The following SPTBN1 variants were observed in gnomAD, a reference collection of about 807,000 sequenced individuals.
SPTBN1 encodes the protein spectrin beta chain, non-erythrocytic 1.
Under a neutral mutation model 266.4 loss-of-function variants are expected in SPTBN1, and 32 were observed. That is an observed-to-expected ratio of 0.12 (90% CI 0.09 to 0.16). SPTBN1 has a LOEUF of 0.16. SPTBN1 is among the 10% of genes least tolerant of loss of function. The pLI, the probability that SPTBN1 is intolerant of heterozygous loss-of-function variation, is 1.00. For synonymous variants in SPTBN1, 1,336 were observed against 1,162.2 expected, an observed-to-expected ratio of 1.15 and a Z score of -3.04; for missense variants, 2,296 against 3,067.1, an observed-to-expected ratio of 0.75 and a Z score of 5.94.
intron 15 of SPTBN1, among the ~76,000 whole-genome samples, chr2:54,630,360 C>G (rs1009378750): frequency 6.6e-6 from 1 of 152,192 alleles, no homozygotes; most frequent in African/African-American, 2.4e-5. Flanking sequence ...ACTTCAGGAA[C>G]AGGACTCTAG....
intron 2 of SPTBN1, among the ~76,000 whole-genome samples, chr2:54,532,134 A>G (rs904875403): frequency 6.6e-6 from 1 of 152,066 alleles, no homozygotes; most frequent in Non-Finnish European, 1.5e-5. Context: ...CTAAAAATAC[A>G]AAAAATTAGC....
intron 1 of SPTBN1, among the ~76,000 whole-genome samples, chr2:54,465,200 G>A (rs1693564944): frequency 6.6e-6 from 1 of 152,168 alleles, no homozygotes; most frequent in Admixed American, 6.5e-5. Context: ...GTATAGGTGT[G>A]AGATAAATTA....
intron 1 of SPTBN1, among the ~76,000 whole-genome samples, chr2:54,468,442 T>C (rs1693752512): frequency 6.6e-6 from 1 of 152,132 alleles, no homozygotes; most frequent in Admixed American, 6.5e-5. Context: ...CACATACATA[T>C]TAAGGGCCAA....
At chr2:54,623,293 C>G (rs1678112074) in intron 9 of SPTBN1, among the ~76,000 whole-genome samples, 186 bp from the exon 10 acceptor site, 1 of 152,168 alleles carries the variant, frequency 6.6e-6, no homozygotes, top group African/African-American at 2.4e-5. Flanking sequence ...TAAATGTCAG[C>G]AACAACAAAG....
At chr2:54,481,885 C>T (rs79100701) in intron 1 of SPTBN1, among the ~76,000 whole-genome samples, 4,601 of 152,200 alleles carry the variant, frequency 0.03, 235 homozygotes, top group African/African-American at 0.1. Context: ...TGATACTAGC[C>T]AGGCTTTATA....
chr2:54,600,268 G>T (rs928342191), intron 3 of SPTBN1, among the ~76,000 whole-genome samples: 1 of 152,156 alleles, frequency 6.6e-6, no homozygotes, highest in African/African-American at 2.4e-5. Flanking sequence ...TTGAAATGGA[G>T]CCAGAAAAGT....
rs536623978 is a variant in SPTBN1, at chr2:54,662,041, A to G, written c.6420+2042A>G. 11 of 985,440 alleles carry G rather than the reference A, an allele frequency of 1.1e-5. No homozygotes were observed. In the South Asian group the frequency reaches 1.9e-4, roughly 17 times the overall value. 61.0% of individuals were successfully genotyped at this position (985,440 alleles called of 1,614,324 possible). Reference sequence around the variant, plus strand: ...ATTGCTTCGTGCACTTTGAATACCAATCAGGTGTTTTCTGTGCTACTAGTT... The same window carrying G: ...ATTGCTTCGTGCACTTTGAATACCAGTCAGGTGTTTTCTGTGCTACTAGTT... On this transcript the variant is annotated intron_variant, in intron 32 of 35. Transcript: ENST00000356805.
chr2:54,579,514 C>A (rs909995373), intron 2 of SPTBN1, among the ~76,000 whole-genome samples: 1 of 152,196 alleles, frequency 6.6e-6, no homozygotes, highest in Admixed American at 6.5e-5. Context: ...CATTAGCGCA[C>A]GTGCTATATA....
chr2:54,637,684 A>G (rs371895909), intron 17 of SPTBN1, 29 bp from the exon 18 acceptor site: 9 of 1,553,008 alleles, frequency 5.8e-6, no homozygotes, highest in Non-Finnish European at 8.0e-6. Context: ...TTCCTTTTTT[A>G]AAAATTATTT....
rs1404364215 is a variant in SPTBN1, at chr2:54,626,316, C to T, written c.1644+82C>T. Reference sequence around the variant, plus strand: ...CTGTGACTCATTCACTAAACCCCTACGTACAGCTGTGTGCCTTGTCTAACT... The same window carrying T: ...CTGTGACTCATTCACTAAACCCCTATGTACAGCTGTGTGCCTTGTCTAACT... On this transcript the variant is annotated intron_variant, in intron 12 of 35. Coordinates refer to ENST00000356805, the MANE Select transcript of SPTBN1 (RefSeq NM_003128.3). The surrounding 1 kb of genome is among the most constrained non-coding windows in gnomAD (Gnocchi z 4.7). 9.5e-6 allele frequency: 14 copies of T among 1,475,900 alleles called. No homozygotes were observed. The highest frequency in any genetic ancestry group is 2.2e-5 in the Admixed American group (1 of 46,080). The allele number at this position is 1,475,900 out of a possible 1,614,324, so 91.4% of individuals were successfully genotyped here.
chr2:54,637,162 C>G (rs1285901283), intron 17 of SPTBN1, among the ~76,000 whole-genome samples: 1 of 152,024 alleles, frequency 6.6e-6, no homozygotes, highest in Admixed American at 6.6e-5. Context: ...TTTAGTTACC[C>G]TTATCAATTG....
rs1443933648 is a variant in SPTBN1 at position 54,649,516 on chromosome 2, C to G, written c.5203-99C>G. On this transcript the variant is annotated intron_variant, in intron 25 of 35. Transcript: ENST00000356805. This position sits in a 1 kb window ranked among gnomAD's most constrained non-coding sequence, Gnocchi z 6.7. Reference sequence around the variant, plus strand: ...AAGTCATGAGTATTATTGGCTACATCTTGCTTAGAGGCAGTTTCTTTCCAA... The same window carrying G: ...AAGTCATGAGTATTATTGGCTACATGTTGCTTAGAGGCAGTTTCTTTCCAA... 6.7e-7 allele frequency: 1 copy of G among 1,490,332 alleles called. No homozygotes were observed. The highest frequency in any genetic ancestry group is 9.0e-7 in the Non-Finnish European group (1 of 1,113,412). The allele number at this position is 1,490,332 out of a possible 1,614,324, so 92.3% of individuals were successfully genotyped here. A position where few individuals can be genotyped will look rare whatever the true frequency, so the allele number is the denominator to read the frequency against.
At chr2:54,462,746 C>G (rs564745881) in intron 1 of SPTBN1, among the ~76,000 whole-genome samples, 2 of 152,296 alleles carry the variant, frequency 1.3e-5, no homozygotes, top group South Asian at 4.1e-4. Flanking sequence ...AAACCTTTAA[C>G]CCTCCGGTCT....
intron 1 of SPTBN1, among the ~76,000 whole-genome samples, chr2:54,506,344 G>A (rs1419364951): frequency 6.6e-6 from 1 of 152,084 alleles, no homozygotes; most frequent in African/African-American, 2.4e-5. Flanking sequence ...ATTTGTCTTA[G>A]AAATTTGAAG....
chr2:54,459,745 G>A (rs992042060), intron 1 of SPTBN1, among the ~76,000 whole-genome samples: 12 of 152,144 alleles, frequency 7.9e-5, no homozygotes, highest in African/African-American at 2.7e-4. Context: ...CTTCCAGAAG[G>A]AAGGGGCTAA....
At chr2:54,605,872 A>G (rs1007363370) in intron 3 of SPTBN1, among the ~76,000 whole-genome samples, 3 of 152,216 alleles carry the variant, frequency 2.0e-5, no homozygotes, top group African/African-American at 7.2e-5. Flanking sequence ...CAGGTCTGGA[A>G]TGAACCATCC....
chr2:54,599,198 A>G lies in SPTBN1; in HGVS notation c.255A>G (p.Gly85=), dbSNP rs199535342. 3.1e-6 allele frequency: 5 copies of G among 1,614,022 alleles called. No homozygotes were observed. Among genetic ancestry groups the G allele is most frequent in the Non-Finnish European group, 3.4e-6 (4 of 1,180,032 alleles). ...ITDLYTDLRD[G]RMLIKLLEVL... ...ACCTGTACACTGACCTTCGAGATGG[A>G]CGGATGCTCATCAAGCTGCTGGAGG... The change falls in exon 3 of 36, where the codon GGA becomes GGG. Residue 85 remains glycine, a synonymous_variant. Transcript: ENST00000356805.
chr2:54,663,920 G>A (rs1681206921), intron 32 of SPTBN1: 1 of 152,480 alleles, frequency 6.6e-6, no homozygotes, highest in Admixed American at 6.5e-5. Context: ...GTGTTGAGGG[G>A]AGGGGGAGGA....
chr2:54,658,172 A>G, intron 30 of SPTBN1, 126 bp downstream of exon 30: 2 of 1,214,440 alleles, frequency 1.6e-6, no homozygotes. Flanking sequence ...CAAGTAGTGA[A>G]GATCATCTTA....
Sources: allele counts gnomAD v4.1 joint callset (sites outside exome capture counted in the v4.1 genomes callset), GRCh38; gene constraint gnomAD v4.1.1; non-coding constraint Gnocchi (gnomAD v3.1); transcripts MANE v1.5; gene names NCBI Gene and HGNC (gene_info 2026-07-23, HGNC 2026-07-21).